EIF4E2: variants seen among roughly 807,000 people sequenced by gnomAD.
EIF4E2 encodes the protein eukaryotic translation initiation factor 4E type 2.
A neutral mutation model predicts 34.2 loss-of-function variants in EIF4E2; 13 were observed. The ratio of observed to expected loss-of-function variants is 0.38; its 90% CI spans 0.25 to 0.60. The LOEUF (loss-of-function observed/expected upper bound fraction) is 0.60. Ranked by LOEUF, EIF4E2 falls within the 20% of genes least tolerant of loss-of-function variation. EIF4E2 has a pLI of 0.62. For synonymous variants in EIF4E2, 100 were observed against 106.6 expected (o/e 0.94, Z 0.38); for missense variants, 222 against 315.1 (o/e 0.70, Z 2.24).
At chr2:232,567,617 A>AG in intron 6 of EIF4E2, 1 of 1,115,006 alleles carries the variant, frequency 9.0e-7, no homozygotes, top group Non-Finnish European at 1.1e-6. Flanking sequence ...TGTTAGCTTC[A>AG]GTCTATTTTC....
At chr2:232,573,634 A>G (rs1367147301), downstream of EIF4E2, 1 of 170,902 alleles carries the variant, frequency 5.9e-6, no homozygotes, top group Non-Finnish European at 1.3e-5. Context: ...TGTAATGGGC[A>G]TTGTTCCCTG....
chr2:232,564,366 C>T lies in EIF4E2; in HGVS notation c.375+15C>T, dbSNP rs1559317616. 2 of 1,507,438 alleles carry T rather than the reference C, an allele frequency of 1.3e-6. No individual in the cohort carries two copies. Among genetic ancestry groups the T allele is most frequent in the Non-Finnish European group, 1.8e-6 (2 of 1,107,672 alleles). The allele number at this position is 1,507,438 out of a possible 1,614,324, so 93.4% of individuals were successfully genotyped here. ...CCATGTGGGAGGTAAGGACTAATGG[C>T]TTCTGACTGCTTTTTTGAGCAAGTT... On this transcript the variant is annotated intron_variant, in intron 4 of 6. Coordinates refer to ENST00000258416, the MANE Select transcript of EIF4E2 (RefSeq NM_004846.4).
At chr2:232,578,709 T>A (rs1693276939) in intron 6 of EIF4E2, among the ~76,000 whole-genome samples, 1 of 152,142 alleles carries the variant, frequency 6.6e-6, no homozygotes, top group African/African-American at 2.4e-5. Flanking sequence ...CTGGCCCACC[T>A]AGTACAATAG....
intron 6 of EIF4E2, chr2:232,574,484 C>A: frequency 1.2e-6 from 1 of 822,434 alleles, no homozygotes; most frequent in Non-Finnish European, 1.9e-6. Flanking sequence ...GATTCTCATC[C>A]TCCCTGGGTC....
intron 6 of EIF4E2, chr2:232,567,820 T>C (rs1692987819): frequency 7.1e-6 from 7 of 985,502 alleles, no homozygotes; most frequent in Non-Finnish European, 8.4e-6. Context: ...ACAGTGAGAA[T>C]CACTGTTAGG....
At chr2:232,554,108 T>C (rs1446024369) in intron 1 of EIF4E2, among the ~76,000 whole-genome samples, 3 of 152,168 alleles carry the variant, frequency 2.0e-5, no homozygotes, top group African/African-American at 4.8e-5. Context: ...GAGACAGAAC[T>C]GGCCATGAGA....
At chr2:232,562,453 G>A (rs1481282033) in intron 3 of EIF4E2, among the ~76,000 whole-genome samples, 2 of 152,110 alleles carry the variant, frequency 1.3e-5, no homozygotes, top group Non-Finnish European at 2.9e-5. Context: ...AGGCGTGGTG[G>A]TGTGTGCCTG....
At chr2:232,572,196 C>G (rs1029931752), downstream of EIF4E2, among the ~76,000 whole-genome samples, 2 of 152,088 alleles carry the variant, frequency 1.3e-5, no homozygotes, top group Non-Finnish European at 2.9e-5. Flanking sequence ...CCCAGTATGC[C>G]TGGAATGCCA....
intron 6 of EIF4E2, chr2:232,568,703 T>A: frequency 1.0e-6 from 1 of 985,440 alleles, no homozygotes; most frequent in Non-Finnish European, 1.2e-6. Flanking sequence ...TCTTCGTGAC[T>A]TTTACAGAAA....
At chr2:232,554,324 C>T (rs1437413136) in intron 1 of EIF4E2, among the ~76,000 whole-genome samples, 2 of 152,052 alleles carry the variant, frequency 1.3e-5, no homozygotes, top group Non-Finnish European at 2.9e-5. Context: ...AATGGGGGCA[C>T]CAAAATTAGG....
At chr2:232,553,653 C>G (rs2106233629) in intron 1 of EIF4E2, among the ~76,000 whole-genome samples, 1 of 152,306 alleles carries the variant, frequency 6.6e-6, no homozygotes, top group African/African-American at 2.4e-5. Flanking sequence ...CAGCTTGAAG[C>G]TGGGAAGAGT....
downstream of EIF4E2, among the ~76,000 whole-genome samples, chr2:232,571,149 G>A (rs759748776): frequency 1.1e-4 from 16 of 152,150 alleles, no homozygotes; most frequent in Non-Finnish European, 2.1e-4. Flanking sequence ...CCTTTCCCCA[G>A]TCACACTGCT....
At position 232,566,906 on chromosome 2, in the gene EIF4E2, C is replaced by T. The variant is rs1254965695; in HGVS notation, c.453C>T (p.Leu151=). The T allele has an allele frequency of 6.2e-7, 1 of 1,612,996 alleles. No homozygotes were observed. Among genetic ancestry groups the T allele is most frequent in the East Asian group, 2.2e-5 (1 of 44,866 alleles). Reference sequence around the variant, plus strand: ...TGGCCTCCCGTTGCTGGGAGAATCTCATTTTGGCCATGCTGGGGGAACAGT... The same window carrying T: ...TGGCCTCCCGTTGCTGGGAGAATCTTATTTTGGCCATGCTGGGGGAACAGT... ...KGLASRCWEN[L]ILAMLGEQFM... Residue 151 remains leucine, a synonymous_variant, in exon 5 of 7, where the codon CTC becomes CTT. Coordinates refer to ENST00000258416, the MANE Select transcript of EIF4E2 (RefSeq NM_004846.4). The surrounding 1 kb of genome is among the most constrained non-coding windows in gnomAD (Gnocchi z 4.9).
chr2:232,569,289 G>C, downstream of EIF4E2: 1 of 1,256,564 alleles, frequency 8.0e-7, no homozygotes, highest in Non-Finnish European at 1.0e-6. Flanking sequence ...TTAAGGGATG[G>C]CACAGACTTT....
At position 232,566,912 on chromosome 2, in the gene EIF4E2, G is replaced by C; in HGVS notation, c.459G>C (p.Leu153Phe). 1 of 1,612,874 alleles carries C rather than the reference G, an allele frequency of 6.2e-7. No homozygotes were observed. The highest frequency in any genetic ancestry group is 8.5e-7 in the Non-Finnish European group (1 of 1,179,476). Reference sequence around the variant, plus strand: ...CCCGTTGCTGGGAGAATCTCATTTTGGCCATGCTGGGGGAACAGTTCATGG... The same window carrying C: ...CCCGTTGCTGGGAGAATCTCATTTTCGCCATGCTGGGGGAACAGTTCATGG... ...LASRCWENLI[L>F]AMLGEQFMVG... is the part of the protein sequence containing the mutation. Residue 153 changes from leucine (L) to phenylalanine (F), a missense_variant, in exon 5 of 7, where the codon TTG (leucine) becomes TTC (phenylalanine). Physicochemically the swap from Leu to Phe is conservative, Grantham distance 22. Around this residue, in one of 3 missense-constraint regions of EIF4E2, gnomAD observed 105 missense variants for 195.1 expected, o/e 0.54. Transcript: ENST00000258416. The surrounding 1 kb of genome is among the most constrained non-coding windows in gnomAD (Gnocchi z 4.9).
chr2:232,554,114 T>C (rs1368095007), intron 1 of EIF4E2, among the ~76,000 whole-genome samples: 1 of 152,098 alleles, frequency 6.6e-6, no homozygotes, highest in Non-Finnish European at 1.5e-5. Flanking sequence ...GAACTGGCCA[T>C]GAGAGTATAG....
At chr2:232,559,449 A>AAAAT (rs570884615) in intron 3 of EIF4E2, among the ~76,000 whole-genome samples, 2 of 151,316 alleles carry the variant, frequency 1.3e-5, no homozygotes, top group Admixed American at 6.6e-5. Context: ...AAAAAATAAA[A>AAAAT]AAATAAAATA....
At chr2:232,564,940 A>G (rs1692867998) in intron 4 of EIF4E2, among the ~76,000 whole-genome samples, 1 of 152,234 alleles carries the variant, frequency 6.6e-6, no homozygotes, top group African/African-American at 2.4e-5. Flanking sequence ...AGTTACCTTT[A>G]TCCTTATAGA....
chr2:232,570,670 C>T (rs908715106), downstream of EIF4E2, among the ~76,000 whole-genome samples: 37 of 152,174 alleles, frequency 2.4e-4, no homozygotes, highest in African/African-American at 6.3e-4. Flanking sequence ...GGAGGCCGGG[C>T]GAGGTGGCTC....
Sources: gnomAD v4.1 joint callset for allele counts (sites outside exome capture counted in the v4.1 genomes callset) on GRCh38, gnomAD v4.1.1 for gene constraint, gnomAD v4.1.1 regional missense constraint, Gnocchi (gnomAD v3.1) non-coding constraint, MANE v1.5 for transcripts, NCBI Gene and HGNC (gene_info 2026-07-23, HGNC 2026-07-21) for gene names.